Variants in ENO3 observed in about 807,000 individuals in gnomAD.
ENO3 encodes beta-enolase.
Under a neutral mutation model 47.7 loss-of-function variants are expected in ENO3, and 46 were observed. The observed-to-expected ratio is 0.96, with a 90% CI of 0.76 to 1.23. The LOEUF is 1.23. Ranked by LOEUF, ENO3 falls within the 50% of genes most tolerant of loss-of-function variation. ENO3 has a pLI of 0.00. For missense variants in ENO3, 575 were observed against 566.2 expected (o/e 1.02, Z -0.16); for synonymous variants, 223 against 225.9 (o/e 0.99, Z 0.11).
At chr17:4,951,592 A>T (rs111847190) in intron 1 of ENO3, 1 of 521,964 alleles carries the variant, frequency 1.9e-6, no homozygotes. Context: ...GAGCGGTGGC[A>T]TCCCAGGAGC....
intron 9 of ENO3, 65 bp from the exon 10 acceptor site, chr17:4,956,508 A>C: frequency 6.5e-7 from 1 of 1,543,734 alleles, no homozygotes; most frequent in Non-Finnish European, 9.0e-7. Context: ...GAGAGGCCCC[A>C]CCCAACCCCT....
At chr17:4,952,095 C>T (rs1400389985) in intron 2 of ENO3, 181 bp downstream of exon 2, 5 of 713,240 alleles carry the variant, frequency 7.0e-6, no homozygotes, top group Non-Finnish European at 1.3e-5. Context: ...GAGTCTCTCT[C>T]TGCACTGCCT....
rs1276033523 is a variant in ENO3 at position 4,957,084 on chromosome 17, A to G, written c.*37A>G. On this transcript the variant is annotated 3_prime_UTR_variant, in exon 12 of 12. Transcript: ENST00000519602. ...CTCCAGGACTCCACTGGACAGACCCAGGTCTTCCAGACCTGCTTCCTGAAA... is the reference window on the plus strand; with the variant it reads ...CTCCAGGACTCCACTGGACAGACCCGGGTCTTCCAGACCTGCTTCCTGAAA... 6.2e-7 allele frequency: 1 copy of G among 1,612,612 alleles called. No individual in the cohort carries two copies. The highest frequency in any genetic ancestry group is 1.3e-5 in the African/African-American group (1 of 74,982).
chr17:4,953,556 C>T (rs1215962016), intron 5 of ENO3, among the ~76,000 whole-genome samples, 156 bp from the exon 6 acceptor site: 1 of 152,228 alleles, frequency 6.6e-6, no homozygotes, highest in Non-Finnish European at 1.5e-5. Context: ...CACATTCCCC[C>T]GGGGTGGGGG....
intron 2 of ENO3, 78 bp downstream of exon 2, chr17:4,951,992 A>G: frequency 6.8e-7 from 1 of 1,479,448 alleles, no homozygotes. Context: ...TCTGTGCCAT[A>G]TCCTCTCCTT....
At chr17:4,952,171 C>CT (rs1185650356) in intron 2 of ENO3, 54 of 575,154 alleles carry the variant, frequency 9.4e-5, no homozygotes, top group Non-Finnish European at 1.1e-4. Context: ...CTGTGAGGTC[C>CT]TTTTTTTTGT....
At chr17:4,950,312 G>T (rs576081112), upstream of ENO3, 1 of 152,750 alleles carries the variant, frequency 6.5e-6, no homozygotes, top group East Asian at 1.9e-4. Context: ...GGCGCCGGAA[G>T]AGCCCCAGGC....
Position 4,953,743 on chromosome 17 carries a change from G to T in ENO3, c.342G>T (p.Val114=). The T allele has an allele frequency of 6.2e-7, 1 of 1,614,232 alleles. No individual in the cohort carries two copies. Among genetic ancestry groups the T allele is most frequent in the Non-Finnish European group, 8.5e-7 (1 of 1,180,054 alleles). The change falls in exon 6 of 12, where the codon GTG becomes GTT. Residue 114 remains valine, a synonymous_variant. Coordinates refer to ENST00000519602, the MANE Select transcript of ENO3 (RefSeq NM_053013.4). The stretch of plus-strand genomic sequence containing the variant: ...TTGGGGCCAATGCCATCCTGGGCGT[G>T]TCCTTGGCCGTGTGTAAGGCGGGAG... ...SKFGANAILG[V]SLAVCKAGAA...
intron 6 of ENO3, chr17:4,954,320 G>T: frequency 5.4e-6 from 1 of 183,602 alleles, no homozygotes; most frequent in East Asian, 1.5e-4. Context: ...TAGATTGCTG[G>T]GTTTGAATCC....
At chr17:4,953,453 C>T in intron 5 of ENO3, 112 bp downstream of exon 5, 1 of 1,480,502 alleles carries the variant, frequency 6.8e-7, no homozygotes, top group South Asian at 1.1e-5. Context: ...GGTCACACCG[C>T]AGCTGGATGG....
rs73973669 is a variant in ENO3 at position 4,956,892 on chromosome 17, A to G, written c.1235+3A>G. The G allele has an allele frequency of 2.9e-3, 4,642 of 1,614,224 alleles. 102 individuals carry two copies. In the African/African-American group the frequency reaches 0.052, roughly 18 times the overall value. ...GCCAAATACAACCAACTCATGAGGT[A>G]CAGCGGGAACAGTGGGCCTGGGCAT... On this transcript the variant is annotated splice_donor_region_variant and intron_variant, in intron 11 of 11. Coordinates refer to ENST00000519602, the MANE Select transcript of ENO3 (RefSeq NM_053013.4).
Position 4,955,872 on chromosome 17 carries a change from TCTGTCTCTGCC to T in ENO3, c.866-48_866-38del, listed in dbSNP as rs58519280. On this transcript the variant is annotated intron_variant, in intron 8 of 11. Coordinates refer to ENST00000519602, the MANE Select transcript of ENO3 (RefSeq NM_053013.4). ...TGCCCTGTCTCTGCCCTGTCTCTGC[TCTGTCTCTGCC>T]CTGTCTCTGCCCTGTCTCTGCTCTG... 163 of 311,984 alleles carry T rather than the reference TCTGTCTCTGCC, an allele frequency of 5.2e-4. 1 individual carries two copies. Among genetic ancestry groups the T allele is most frequent in the South Asian group, 3.7e-3 (122 of 32,552 alleles). 19.3% of individuals were successfully genotyped at this position (311,984 alleles called of 1,614,324 possible). A position where few individuals can be genotyped will look rare whatever the true frequency, so the allele number is the denominator to read the frequency against.
At chr17:4,950,182 G>T (rs1971499423), upstream of ENO3, 1 of 152,158 alleles carries the variant, frequency 6.6e-6, no homozygotes, top group Non-Finnish European at 1.5e-5. Flanking sequence ...TGTGTCCCCC[G>T]CCGGTCGGCT....
At chr17:4,950,665 C>T, upstream of ENO3, 1 of 985,492 alleles carries the variant, frequency 1.0e-6, no homozygotes, top group Non-Finnish European at 1.2e-6. Context: ...TGGGGGGTCC[C>T]GTCCTTTCCC....
In ENO3 at chr17:4,955,474, T is replaced by C. The variant is rs753008114; in HGVS notation, c.735T>C (p.Asp245=). ...CAGACAAGGTGGTGATCGGCATGGA[T>C]GTGGCAGCATCTGAGTTCTATCGCA... ...GYPDKVVIGM[D]VAASEFYRNG... The change falls in exon 8 of 12, where the codon GAT becomes GAC. Residue 245 remains aspartate (D), a synonymous_variant. Coordinates refer to ENST00000519602, the MANE Select transcript of ENO3 (RefSeq NM_053013.4). 1.2e-6 allele frequency: 2 copies of C among 1,614,212 alleles called. No individual in the cohort carries two copies. The highest frequency in any genetic ancestry group is 1.7e-6 in the Non-Finnish European group (2 of 1,180,022).
chr17:4,955,216 A>C lies in ENO3; in HGVS notation c.586A>C (p.Ile196Leu). ...GGTCTACCACCACCTCAAGGGGGTC[A>C]TCAAGGCCAAGTATGGGAAGGATGC... is the stretch of plus-strand genomic sequence containing the variant. The part of the protein sequence containing the change: ...AEVYHHLKGV[I>L]KAKYGKDATN... Residue 196 changes from isoleucine (I) to leucine (L), a missense_variant, in exon 7 of 12, where the codon ATC becomes CTC. By Grantham distance (5) the Ile-to-Leu change is conservative. Coordinates refer to ENST00000519602, the MANE Select transcript of ENO3 (RefSeq NM_053013.4). 6.2e-7 allele frequency: 1 copy of C among 1,614,238 alleles called. No homozygotes were observed.
chr17:4,954,890 C>A (rs1000983970), intron 6 of ENO3, among the ~76,000 whole-genome samples, 185 bp from the exon 7 acceptor site: 1 of 142,452 alleles, frequency 7.0e-6, no homozygotes, highest in Admixed American at 7.1e-5. Context: ...AGTGAGACTC[C>A]GTCTCAAAAA....
chr17:4,952,865 AG>A lies in ENO3; in HGVS notation c.157del (p.Asp53ThrfsTer11), dbSNP rs760194274. 3.0e-5 allele frequency: 48 copies of A among 1,612,544 alleles called. No homozygotes were observed. Among genetic ancestry groups the A allele is most frequent in the Non-Finnish European group, 3.8e-5 (45 of 1,179,284 alleles). ...ATGAGGCTCTGGAACTAAGAGACGG[AG>A]ACAAAGGCCGCTACCTGGGGAAAGG... ...IYEALELRDG[D>X]KGRYLGKGVL... On this transcript the variant is annotated frameshift_variant, in exon 3 of 12. Coordinates refer to ENST00000519602, the MANE Select transcript of ENO3 (RefSeq NM_053013.4). LOFTEE classifies it high-confidence loss of function.
At chr17:4,951,235 T>A in intron 1 of ENO3, 53 bp downstream of exon 1, 3 of 1,002,628 alleles carry the variant, frequency 3.0e-6, no homozygotes, top group Non-Finnish European at 3.6e-6. Context: ...GTGAGCATGG[T>A]ATTGGCTTGG....
Sources: gnomAD v4.1 joint callset for allele counts (sites outside exome capture counted in the v4.1 genomes callset) on GRCh38, gnomAD v4.1.1 for gene constraint, MANE v1.5 for transcripts, NCBI Gene and HGNC (gene_info 2026-07-23, HGNC 2026-07-21) for gene names.